Variants in LIN9 observed in about 807,000 individuals in gnomAD.
LIN9 encodes the protein lin-9 DREAM MuvB core complex component, also known as protein lin-9 homolog.
LIN9 carries 18 observed loss-of-function variants against 78.0 expected under a neutral mutation model. The observed-to-expected ratio is 0.23, with a 90% CI of 0.16 to 0.34. The LOEUF is 0.34. LIN9 is among the 10% of genes least tolerant of loss of function. The pLI is 1.00. For missense variants in LIN9, 451 were observed against 644.1 expected (o/e 0.70, Z 3.25); for synonymous variants, 192 against 215.2 (o/e 0.89, Z 0.94).
intron 1 of LIN9, among the ~76,000 whole-genome samples, chr1:226,304,453 A>T (rs2615802): frequency 0.72 from 108,881 of 152,148 alleles, 40,887 homozygotes; most frequent in Admixed American, 0.84. Context: ...GCCTCTCCTC[A>T]CAGGAAGCTT....
At chr1:226,236,598 G>A (rs1455683417) in intron 12 of LIN9, among the ~76,000 whole-genome samples, 2 of 152,110 alleles carry the variant, frequency 1.3e-5, no homozygotes, top group African/African-American at 2.4e-5. Context: ...TGGGACTACA[G>A]GCGCCCGCCA....
intron 7 of LIN9, among the ~76,000 whole-genome samples, chr1:226,271,699 G>C (rs866824675): frequency 6.6e-6 from 1 of 152,236 alleles, no homozygotes; most frequent in Non-Finnish European, 1.5e-5. Context: ...CTACAACTAT[G>C]ATTGTGGATT....
At position 226,294,369 on chromosome 1, in the gene LIN9, T is replaced by A. The variant is rs543030905; in HGVS notation, c.264+1473A>T. The stretch of plus-strand genomic sequence containing the variant: ...GCTGAGGTGGGCAGATCACCTGAGG[T>A]CAGGAGTTCAAGATCGGCCTGACTA... On this transcript the variant is annotated intron_variant, in intron 4 of 14. Coordinates refer to ENST00000681046, the MANE Select transcript of LIN9 (RefSeq NM_001366245.2). Among the ~76,000 whole-genome samples, 11 of 150,740 alleles carry A rather than the reference T, an allele frequency of 7.3e-5. No individual in the cohort carries two copies. In the South Asian group the frequency reaches 2.3e-3, roughly 32 times the overall value.
intron 3 of LIN9, among the ~76,000 whole-genome samples, chr1:226,296,838 C>A (rs916012387): frequency 2.0e-5 from 3 of 151,802 alleles, no homozygotes; most frequent in Non-Finnish European, 2.9e-5. Flanking sequence ...CTGGGCAACA[C>A]AAGGAGACCC....
At chr1:226,302,403 T>G (rs1192068945) in intron 1 of LIN9, among the ~76,000 whole-genome samples, 1 of 151,720 alleles carries the variant, frequency 6.6e-6, no homozygotes. Context: ...ATTAACTGGG[T>G]GTGGTGGCGA....
chr1:226,242,602 T>C (rs1658186104), intron 11 of LIN9, among the ~76,000 whole-genome samples: 1 of 152,216 alleles, frequency 6.6e-6, no homozygotes, highest in Non-Finnish European at 1.5e-5. Flanking sequence ...CAACACAGGT[T>C]TGAATGGTGC....
At chr1:226,290,940 A>G (rs867296744) in intron 4 of LIN9, among the ~76,000 whole-genome samples, 2 of 151,742 alleles carry the variant, frequency 1.3e-5, no homozygotes, top group African/African-American at 4.8e-5. Context: ...TATTTTTAGT[A>G]GAGATGGGGT....
chr1:226,286,804 C>A (rs1450052483), intron 5 of LIN9, among the ~76,000 whole-genome samples: 2 of 152,168 alleles, frequency 1.3e-5, no homozygotes, highest in Admixed American at 1.3e-4. Flanking sequence ...AATACCATCA[C>A]CAAGGAGTCC....
At chr1:226,304,988 G>A (rs528194567) in intron 1 of LIN9, among the ~76,000 whole-genome samples, 4 of 152,070 alleles carry the variant, frequency 2.6e-5, no homozygotes, top group Admixed American at 2.0e-4. Flanking sequence ...GCAGGAGTTC[G>A]AGACCAGCCA....
intron 3 of LIN9, among the ~76,000 whole-genome samples, chr1:226,297,278 C>A (rs1017052911): frequency 2.0e-5 from 3 of 152,154 alleles, no homozygotes; most frequent in Admixed American, 2.0e-4. Context: ...AAGAGAGTTC[C>A]TAAAACTGTT....
chr1:226,266,580 A>G (rs957053388), intron 8 of LIN9, among the ~76,000 whole-genome samples: 21 of 150,902 alleles, frequency 1.4e-4, no homozygotes, highest in African/African-American at 5.1e-4. Flanking sequence ...AGAAAAAAAG[A>G]AATAAAAAAA....
chr1:226,308,964 C>G, intron 1 of LIN9, 145 bp downstream of exon 1: 1 of 740,538 alleles, frequency 1.4e-6, no homozygotes, highest in South Asian at 5.8e-5. Flanking sequence ...GCGGCAACAC[C>G]GGAGTGGGAG....
At chr1:226,256,996 C>T (rs897268243) in intron 10 of LIN9, among the ~76,000 whole-genome samples, 1 of 152,074 alleles carries the variant, frequency 6.6e-6, no homozygotes, top group African/African-American at 2.4e-5. Context: ...CTCTGTTGCC[C>T]AGGCTGGAGT....
intron 6 of LIN9, among the ~76,000 whole-genome samples, chr1:226,285,183 T>C (rs907714822): frequency 1.3e-4 from 20 of 152,102 alleles, no homozygotes; most frequent in Non-Finnish European, 2.8e-4. Context: ...TAGTGACCAA[T>C]ATCCCACTCT....
intron 1 of LIN9, among the ~76,000 whole-genome samples, chr1:226,304,210 T>C (rs2102683946): frequency 6.6e-6 from 1 of 152,370 alleles, no homozygotes; most frequent in African/African-American, 2.4e-5. Context: ...CAGGCGAATC[T>C]GATTAAATTA....
At chr1:226,251,303 C>T (rs1269358305) in intron 10 of LIN9, among the ~76,000 whole-genome samples, 2 of 151,468 alleles carry the variant, frequency 1.3e-5, no homozygotes, top group African/African-American at 2.4e-5. Flanking sequence ...TCTTGGCTCA[C>T]GGCAACCTCC....
In LIN9 at chr1:226,300,929, T is replaced by C. The variant is rs146938058; in HGVS notation, c.64+244A>G. Among the ~76,000 whole-genome samples the C allele has an allele frequency of 5.3e-4, 80 of 152,298 alleles. No individual in the cohort carries two copies. In the East Asian group the frequency reaches 0.012, roughly 22 times the overall value. On this transcript the variant is annotated intron_variant, in intron 2 of 14. Transcript: ENST00000681046. ...TTAACAAATGCTTTTAATCTAAATA[T>C]TTATGGAATGTTTAATTAGAAAGGT...
intron 6 of LIN9, among the ~76,000 whole-genome samples, chr1:226,280,766 T>C (rs1212779364): frequency 1.3e-5 from 2 of 152,006 alleles, no homozygotes; most frequent in African/African-American, 4.8e-5. Context: ...AGAGCGAGAC[T>C]CCATCTCAAA....
intron 10 of LIN9, among the ~76,000 whole-genome samples, chr1:226,255,270 G>A (rs1171760133): frequency 1.3e-5 from 2 of 152,158 alleles, no homozygotes; most frequent in Admixed American, 1.3e-4. Context: ...TAACGATTTT[G>A]AATTAAGATG....
Sources: allele counts gnomAD v4.1 joint callset (sites outside exome capture counted in the v4.1 genomes callset), GRCh38; gene constraint gnomAD v4.1.1; transcripts MANE v1.5; gene names NCBI Gene and HGNC (gene_info 2026-07-23, HGNC 2026-07-21).